Variants in TENM3 observed in about 807,000 individuals in gnomAD.
The protein encoded by TENM3 is teneurin-3.
In TENM3, 63 loss-of-function variants were observed where a neutral mutation model predicts 255.1. The ratio of observed to expected loss-of-function variants is 0.25; its 90% confidence interval spans 0.20 to 0.30. The LOEUF (loss-of-function observed/expected upper bound fraction) is 0.30, where lower values mean the gene tolerates loss of function less well. Among genes scored for constraint, TENM3 ranks in the 10% least tolerant of loss-of-function variants. The pLI, the probability that TENM3 is intolerant of heterozygous loss-of-function variation, is 1.00. For synonymous variants in TENM3, 1,306 were observed against 1,322.3 expected, an observed-to-expected ratio of 0.99 and a Z score of 0.27; for missense variants, 2,929 against 3,461.1, an observed-to-expected ratio of 0.85 and a Z score of 3.86.
the TENM3 span, among the ~76,000 whole-genome samples, chr4:181,470,127 A>AAAAAAAAAG: frequency 9.4e-5 from 13 of 138,910 alleles, no homozygotes; most frequent in East Asian, 4.1e-4. Context: ...AAAAAAAAAC[A>AAAAAAAAAG]TTATTCAAAA....
chr4:182,280,957 T>C (rs1760343798), intron 1 of TENM3, among the ~76,000 whole-genome samples: 1 of 152,228 alleles, frequency 6.6e-6, no homozygotes, highest in Non-Finnish European at 1.5e-5. Context: ...ACTTCTTTCA[T>C]GTCTAAAATG....
At chr4:181,568,840 A>G in the TENM3 span, among the ~76,000 whole-genome samples, 41 of 152,296 alleles carry the variant, frequency 2.7e-4, no homozygotes, top group East Asian at 4.7e-3. Context: ...AAGGGCACAC[A>G]TAGGTCATGC....
chr4:182,569,630 T>G (rs1403832040), intron 3 of TENM3, among the ~76,000 whole-genome samples: 3 of 151,454 alleles, frequency 2.0e-5, no homozygotes, highest in Admixed American at 6.6e-5. Context: ...CATGAGTGAT[T>G]AGACTGGAAG....
At chr4:181,829,853 T>C in the TENM3 span, 1 of 152,272 alleles carries the variant, frequency 6.6e-6, no homozygotes, top group Admixed American at 6.5e-5. Flanking sequence ...TCAGTCCCCA[T>C]GGTGGGAGCT....
chr4:181,984,457 G>A, the TENM3 span, among the ~76,000 whole-genome samples: 1 of 151,912 alleles, frequency 6.6e-6, no homozygotes, highest in Non-Finnish European at 1.5e-5. Flanking sequence ...GAAAGAAAAA[G>A]CGACTTCCTT....
chr4:182,078,212 C>T, the TENM3 span, among the ~76,000 whole-genome samples: 2 of 152,000 alleles, frequency 1.3e-5, no homozygotes, highest in African/African-American at 4.8e-5. Context: ...GGTGACAGAG[C>T]AAGACCCTGT....
chr4:181,995,637 A>G, the TENM3 span, among the ~76,000 whole-genome samples: 1 of 152,162 alleles, frequency 6.6e-6, no homozygotes, highest in African/African-American at 2.4e-5. Flanking sequence ...AAAAACAATC[A>G]TCTGTATTTG....
the TENM3 span, among the ~76,000 whole-genome samples, chr4:182,113,536 T>C: frequency 6.6e-6 from 1 of 152,168 alleles, no homozygotes; most frequent in African/African-American, 2.4e-5. Context: ...CCAATGCATA[T>C]ATGAAATGAA....
At chr4:181,737,276 A>G in the TENM3 span, among the ~76,000 whole-genome samples, 1 of 152,198 alleles carries the variant, frequency 6.6e-6, no homozygotes, top group African/African-American at 2.4e-5. Context: ...AAAACAAAAA[A>G]GTTCTCATTC....
intron 22 of TENM3, among the ~76,000 whole-genome samples, chr4:182,771,437 T>C (rs949155410): frequency 8.1e-5 from 12 of 147,726 alleles, no homozygotes; most frequent in Non-Finnish European, 1.6e-4. Context: ...AGTCAAGAGA[T>C]AGCGTGAGAG....
At chr4:182,243,374 C>T (rs1757408401), upstream of TENM3, 1 of 152,392 alleles carries the variant, frequency 6.6e-6, no homozygotes, top group Non-Finnish European at 1.5e-5. Flanking sequence ...CTCGGCCTCT[C>T]AAAGTGCTGT....
At chr4:181,703,233 T>A in the TENM3 span, among the ~76,000 whole-genome samples, 112 of 152,288 alleles carry the variant, frequency 7.4e-4, no homozygotes, top group Non-Finnish European at 1.4e-3. Context: ...TCTCCTGGTT[T>A]CAGATGTGGG....
the TENM3 span, among the ~76,000 whole-genome samples, chr4:181,612,137 C>T: frequency 6.6e-6 from 1 of 152,186 alleles, no homozygotes; most frequent in Non-Finnish European, 1.5e-5. Flanking sequence ...GCCCCAGCCT[C>T]TCAGTGCCAG....
intron 20 of TENM3, among the ~76,000 whole-genome samples, chr4:182,752,302 AACT>A (rs2152749735): frequency 1.2e-4 from 1 of 8,078 alleles, no homozygotes; most frequent in Admixed American, 2.0e-3. Context: ...AGAATGAAGC[AACT>A]AACTACTCTA....
intron 1 of TENM3, among the ~76,000 whole-genome samples, chr4:182,275,322 C>G (rs1440991486): frequency 6.6e-6 from 1 of 152,216 alleles, no homozygotes; most frequent in Non-Finnish European, 1.5e-5. Flanking sequence ...AGACATCACA[C>G]TTGCAGCTTG....
intron 17 of TENM3, 117 bp from the exon 18 acceptor site, chr4:182,738,284 A>G: frequency 3.6e-6 from 3 of 822,336 alleles, no homozygotes; most frequent in Non-Finnish European, 5.4e-6. Flanking sequence ...CTCATAAATA[A>G]GTGGAAATAC....
At chr4:182,178,259 A>G (rs972882644) in intron 1 of TENM3, among the ~76,000 whole-genome samples, 5 of 152,138 alleles carry the variant, frequency 3.3e-5, no homozygotes, top group Non-Finnish European at 4.4e-5. Flanking sequence ...TAAATGGCCC[A>G]CTTTATTCTT....
At chr4:181,959,567 G>T in the TENM3 span, among the ~76,000 whole-genome samples, 6 of 152,086 alleles carry the variant, frequency 3.9e-5, no homozygotes, top group African/African-American at 1.4e-4. Flanking sequence ...AGCAACAAAG[G>T]GTAGCCAGCT....
chr4:182,731,704 TGTGTG>T (rs1760739733), intron 16 of TENM3, among the ~76,000 whole-genome samples: 2 of 75,274 alleles, frequency 2.7e-5, no homozygotes, highest in Non-Finnish European at 5.3e-5. Flanking sequence ...GGTGTGTGTG[TGTGTG>T]TGTGTGTGTG....
Sources: gnomAD v4.1 joint callset for allele counts (sites outside exome capture counted in the v4.1 genomes callset) on GRCh38, gnomAD v4.1.1 for gene constraint, MANE v1.5 for transcripts, NCBI Gene and HGNC (gene_info 2026-07-23, HGNC 2026-07-21) for gene names.